The following ZNF804A variants were observed in gnomAD, a reference collection of about 807,000 sequenced individuals.
The protein encoded by ZNF804A is zinc finger protein 804A.
A neutral mutation model predicts 16.5 loss-of-function variants in ZNF804A; 2 were observed. The ratio of observed to expected loss-of-function variants is 0.12; its 90% CI spans 0.05 to 0.38. The LOEUF (loss-of-function observed/expected upper bound fraction) is 0.38, where lower values mean the gene tolerates loss of function less well. ZNF804A is among the 10% of genes least tolerant of loss of function. The pLI is 0.99. For missense variants in ZNF804A, 1,473 were observed against 1,390.7 expected (o/e 1.06, Z -0.94); for synonymous variants, 534 against 489.6 (o/e 1.09, Z -1.20).
chr2:184,853,728 A>G (rs894949543), intron 1 of ZNF804A, among the ~76,000 whole-genome samples: 3 of 151,864 alleles, frequency 2.0e-5, no homozygotes, highest in Non-Finnish European at 2.9e-5. Flanking sequence ...CCATTCTTGC[A>G]TCCCCAATAT....
At chr2:184,646,409 A>T (rs761594842) in intron 1 of ZNF804A, among the ~76,000 whole-genome samples, 4 of 152,182 alleles carry the variant, frequency 2.6e-5, no homozygotes, top group Non-Finnish European at 5.9e-5. Flanking sequence ...CTCCCTTGAG[A>T]TGTTGGTGCA....
At chr2:184,852,212 A>T (rs1695614553) in intron 1 of ZNF804A, among the ~76,000 whole-genome samples, 1 of 147,916 alleles carries the variant, frequency 6.8e-6, no homozygotes, top group Non-Finnish European at 1.5e-5. Flanking sequence ...TATAAAAGTT[A>T]TGTGAATGCG....
intron 2 of ZNF804A, among the ~76,000 whole-genome samples, chr2:184,872,615 A>T (rs1695993454): frequency 6.6e-6 from 1 of 152,184 alleles, no homozygotes; most frequent in Admixed American, 6.5e-5. Flanking sequence ...AATGCATTAA[A>T]TGGAAGGACA....
intron 2 of ZNF804A, among the ~76,000 whole-genome samples, chr2:184,933,141 A>G (rs1559007103): frequency 2.8e-5 from 3 of 107,228 alleles, no homozygotes. Flanking sequence ...ACACACACAC[A>G]CGCACACACA....
intron 1 of ZNF804A, among the ~76,000 whole-genome samples, chr2:184,668,252 A>C (rs1692282407): frequency 6.6e-6 from 1 of 151,962 alleles, no homozygotes; most frequent in African/African-American, 2.4e-5. Flanking sequence ...AAAATGAATT[A>C]ACATATTCAT....
chr2:184,742,423 T>C (rs1016934612), intron 1 of ZNF804A, among the ~76,000 whole-genome samples: 6 of 152,038 alleles, frequency 3.9e-5, no homozygotes. Flanking sequence ...ATATATTTCA[T>C]GGGTATTTGC....
At chr2:184,878,048 C>A (rs536097552) in intron 2 of ZNF804A, among the ~76,000 whole-genome samples, 1 of 152,164 alleles carries the variant, frequency 6.6e-6, no homozygotes, top group African/African-American at 2.4e-5. Context: ...TTCTCCACAC[C>A]AATTTGTAAC....
chr2:184,711,454 GT>G (rs1693124794), intron 1 of ZNF804A, among the ~76,000 whole-genome samples: 1 of 151,660 alleles, frequency 6.6e-6, no homozygotes, highest in African/African-American at 2.4e-5. Flanking sequence ...CATACTGTAT[GT>G]TGCCTCTGCA....
intron 2 of ZNF804A, 133 bp downstream of exon 2, chr2:184,866,645 T>C (rs1695881005): frequency 8.0e-6 from 6 of 753,988 alleles, no homozygotes; most frequent in Non-Finnish European, 1.1e-5. Context: ...TATATCATTC[T>C]GGGATGATAA....
At chr2:184,741,720 C>T (rs1037875160) in intron 1 of ZNF804A, among the ~76,000 whole-genome samples, 2 of 152,114 alleles carry the variant, frequency 1.3e-5, no homozygotes, top group Non-Finnish European at 2.9e-5. Context: ...AGAATAGAAA[C>T]TCAAATATGT....
chr2:184,704,524 A>T (rs967819624), intron 1 of ZNF804A, among the ~76,000 whole-genome samples: 3 of 152,148 alleles, frequency 2.0e-5, no homozygotes, highest in Non-Finnish European at 4.4e-5. Context: ...TGTTGAAAAG[A>T]TGTTCAAAGT....
chr2:184,742,340 G>A (rs1693720452), intron 1 of ZNF804A, among the ~76,000 whole-genome samples: 1 of 151,812 alleles, frequency 6.6e-6, no homozygotes, highest in African/African-American at 2.4e-5. Flanking sequence ...AAATTCTCAG[G>A]TAATATATTC....
intron 1 of ZNF804A, among the ~76,000 whole-genome samples, chr2:184,844,957 T>G (rs991472013): frequency 5.3e-5 from 8 of 152,046 alleles, no homozygotes; most frequent in African/African-American, 1.9e-4. Context: ...AGTTTTTCTT[T>G]GCATTTCAGT....
At chr2:184,808,882 G>T (rs1007846617) in intron 1 of ZNF804A, among the ~76,000 whole-genome samples, 3 of 151,596 alleles carry the variant, frequency 2.0e-5, no homozygotes, top group African/African-American at 7.3e-5. Context: ...TGTTAACCCA[G>T]TCCATTGTAG....
chr2:184,937,028 A>G lies in ZNF804A; in HGVS notation c.1632A>G (p.Thr544=), dbSNP rs4667002. The G allele has an allele frequency of 0.79, 1,269,872 of 1,611,844 alleles. 501,218 individuals carry two copies. The highest frequency in any genetic ancestry group is 0.9 in the East Asian group (40,396 of 44,760). ...GTGATTCTGGAAAAAATGAGAACAC[A>G]GGTCAGAGGTATAAAAACATTTCCT... ...SSCDSGKNEN[T]GQRYKNISCK... Residue 544 remains threonine, a synonymous_variant, in exon 4 of 4, where the codon ACA becomes ACG. Coordinates refer to ENST00000302277, the MANE Select transcript of ZNF804A (RefSeq NM_194250.2).
intron 1 of ZNF804A, among the ~76,000 whole-genome samples, chr2:184,834,265 A>C (rs772701185): frequency 4.6e-5 from 7 of 152,066 alleles, no homozygotes; most frequent in Non-Finnish European, 1.0e-4. Flanking sequence ...GGCCACTGGA[A>C]GATTCTTCAA....
rs774466491 is a variant in ZNF804A at position 184,669,764 on chromosome 2, GCACA to G, written c.111+70708_111+70711del. On this transcript the variant is annotated intron_variant, in intron 1 of 3. Transcript: ENST00000302277. Reference sequence around the variant, plus strand: ...CCACATCTCTCTCTCACACACACACGCACACACACACACACACTCAGAATATTTT... The same window carrying G: ...CCACATCTCTCTCTCACACACACACGCACACACACACACTCAGAATATTTT... Among the ~76,000 whole-genome samples, 6 of 42,116 alleles carry G rather than the reference GCACA, an allele frequency of 1.4e-4. No homozygotes were observed. The South Asian group carries it at 3.4e-3, about 24-fold the overall frequency. 27.6% of individuals were successfully genotyped at this position (42,116 alleles called of 152,430 possible).
intron 2 of ZNF804A, among the ~76,000 whole-genome samples, chr2:184,920,437 C>A (rs759529943): frequency 6.6e-6 from 1 of 152,138 alleles, no homozygotes; most frequent in South Asian, 2.1e-4. Flanking sequence ...GGTTACTTTA[C>A]GTTTCTTAAA....
At chr2:184,727,764 C>T (rs1046841959) in intron 1 of ZNF804A, among the ~76,000 whole-genome samples, 2 of 151,606 alleles carry the variant, frequency 1.3e-5, no homozygotes, top group African/African-American at 4.8e-5. Flanking sequence ...TTTAATTCTA[C>T]TAAACACTTA....
Sources: gnomAD v4.1 joint callset for allele counts (sites outside exome capture counted in the v4.1 genomes callset) on GRCh38, gnomAD v4.1.1 for gene constraint, MANE v1.5 for transcripts, NCBI Gene and HGNC (gene_info 2026-07-23, HGNC 2026-07-21) for gene names.